Variants in SNTG1 observed in about 807,000 individuals in gnomAD.
SNTG1 encodes the protein syntrophin gamma 1, also known as gamma-1-syntrophin.
In SNTG1, 39 loss-of-function variants were observed where a neutral mutation model predicts 74.7. The ratio of observed to expected loss-of-function variants is 0.52; its 90% CI spans 0.40 to 0.68. The LOEUF (loss-of-function observed/expected upper bound fraction) is 0.68, where lower values mean the gene tolerates loss of function less well. Among genes scored for constraint, SNTG1 ranks in the 30% least tolerant of loss-of-function variants. SNTG1 has a pLI of 0.00. For missense variants in SNTG1, 685 were observed against 609.5 expected (o/e 1.12, Z -1.30); for synonymous variants, 254 against 217.1 (o/e 1.17, Z -1.49).
chr8:49,921,045 G>A (rs1206810847), intron 1 of SNTG1, among the ~76,000 whole-genome samples: 1 of 152,032 alleles, frequency 6.6e-6, no homozygotes, highest in South Asian at 2.1e-4. Flanking sequence ...ACAACCAAAT[G>A]CAGGTGAAGA....
At chr8:50,198,650 G>C (rs1456147572) in intron 2 of SNTG1, among the ~76,000 whole-genome samples, 3 of 152,150 alleles carry the variant, frequency 2.0e-5, no homozygotes, top group East Asian at 3.8e-4. Flanking sequence ...TTTTTAAAAT[G>C]TCATACTTTC....
chr8:50,541,430 C>T (rs1259054579), intron 11 of SNTG1, among the ~76,000 whole-genome samples: 1 of 152,132 alleles, frequency 6.6e-6, no homozygotes, highest in Non-Finnish European at 1.5e-5. Context: ...TCCCTCACCA[C>T]ATTTCTAATC....
intron 4 of SNTG1, among the ~76,000 whole-genome samples, chr8:50,437,831 T>C (rs1302818340): frequency 1.3e-5 from 2 of 152,160 alleles, no homozygotes; most frequent in Non-Finnish European, 2.9e-5. Context: ...AAATTGAAAA[T>C]TACAGGATTT....
At chr8:49,987,778 A>G (rs538823080) in intron 1 of SNTG1, among the ~76,000 whole-genome samples, 46 of 150,378 alleles carry the variant, frequency 3.1e-4, no homozygotes, top group African/African-American at 9.5e-4. Context: ...CCTCCTGGGT[A>G]GCTGGGACTA....
chr8:50,017,817 T>G (rs1816468278), intron 1 of SNTG1, among the ~76,000 whole-genome samples: 1 of 151,920 alleles, frequency 6.6e-6, no homozygotes, highest in South Asian at 2.1e-4. Flanking sequence ...AACAATTTAT[T>G]TGACGATTCA....
At position 50,074,958 on chromosome 8, in the gene SNTG1, G is replaced by A. The variant is rs1236097078; in HGVS notation, c.-102-97603G>A. ...TCTCCACAGACCCCACACTTGGAGC[G>A]GCCTGCCGGCGCCACTGGCCCCAGG... On this transcript the variant is annotated intron_variant, in intron 1 of 18. Transcript: ENST00000642720. Among the ~76,000 whole-genome samples, 14 of 152,322 alleles carry A rather than the reference G, an allele frequency of 9.2e-5. No individual in the cohort carries two copies. The East Asian group carries it at 1.2e-3, about 13-fold the overall frequency.
At chr8:50,288,938 G>GGACCTTA (rs1193807436) in intron 2 of SNTG1, among the ~76,000 whole-genome samples, 2 of 152,062 alleles carry the variant, frequency 1.3e-5, no homozygotes, top group East Asian at 3.9e-4. Flanking sequence ...AAGGTTAAAT[G>GGACCTTA]TGTTTACTAG....
chr8:50,772,103 G>A (rs1004434083), intron 18 of SNTG1, among the ~76,000 whole-genome samples: 6 of 151,974 alleles, frequency 3.9e-5, no homozygotes, highest in African/African-American at 1.5e-4. Flanking sequence ...CCAGCACAAT[G>A]CCTAGGTGAG....
intron 1 of SNTG1, among the ~76,000 whole-genome samples, chr8:50,103,728 A>T (rs1188938952): frequency 1.3e-5 from 2 of 152,192 alleles, no homozygotes; most frequent in African/African-American, 4.8e-5. Flanking sequence ...ATTTTGAGAT[A>T]CGTCCCATCA....
intron 15 of SNTG1, among the ~76,000 whole-genome samples, chr8:50,704,227 T>A (rs535019125): frequency 6.6e-6 from 1 of 152,302 alleles, no homozygotes; most frequent in South Asian, 2.1e-4. Context: ...TTTACAAACA[T>A]GTTCACAAGC....
intron 8 of SNTG1, among the ~76,000 whole-genome samples, chr8:50,454,711 G>T (rs10957927): frequency 6.6e-6 from 1 of 150,988 alleles, no homozygotes; most frequent in African/African-American, 2.4e-5. Flanking sequence ...GCGTGGTGGC[G>T]CACGCCTGTA....
At chr8:50,790,768 A>G (rs954940354) in intron 18 of SNTG1, among the ~76,000 whole-genome samples, 1 of 151,954 alleles carries the variant, frequency 6.6e-6, no homozygotes, top group African/African-American at 2.4e-5. Flanking sequence ...GTGTCAATCT[A>G]TATCAAATTA....
intron 2 of SNTG1, among the ~76,000 whole-genome samples, chr8:50,349,883 G>T (rs1466606333): frequency 6.6e-6 from 1 of 152,164 alleles, no homozygotes; most frequent in Non-Finnish European, 1.5e-5. Context: ...GGCCAAGGTA[G>T]GAGCCGGCTC....
In SNTG1 at chr8:50,590,697, A is replaced by T. The variant is rs1373911758; in HGVS notation, c.811-182A>T. The stretch of plus-strand genomic sequence containing the variant: ...ACATAAGAAGTGTGGGATAATTTTG[A>T]TAGCCAATTTTAAAAAGAAAAAATC... On this transcript the variant is annotated intron_variant, in intron 12 of 18. Transcript: ENST00000642720. Among the ~76,000 whole-genome samples the T allele has an allele frequency of 2.0e-5, 3 of 152,232 alleles. No individual in the cohort carries two copies. In the East Asian group the frequency reaches 5.8e-4, roughly 29 times the overall value.
chr8:50,568,558 G>T (rs1390139942), intron 12 of SNTG1, among the ~76,000 whole-genome samples: 2 of 151,878 alleles, frequency 1.3e-5, no homozygotes, highest in Non-Finnish European at 2.9e-5. Flanking sequence ...TCTCATTGTG[G>T]TTTTATTTTA....
chr8:50,322,284 G>T (rs959146197), intron 2 of SNTG1, among the ~76,000 whole-genome samples: 2 of 152,006 alleles, frequency 1.3e-5, no homozygotes, highest in Non-Finnish European at 2.9e-5. Context: ...TAGGAAAAAA[G>T]GTGTTTTTTT....
intron 1 of SNTG1, among the ~76,000 whole-genome samples, chr8:49,934,429 A>G (rs1807878778): frequency 6.6e-6 from 1 of 152,140 alleles, no homozygotes; most frequent in Non-Finnish European, 1.5e-5. Flanking sequence ...ATAGAATGGT[A>G]TTTTCAAATT....
At chr8:50,151,723 A>C (rs900807867) in intron 1 of SNTG1, among the ~76,000 whole-genome samples, 1 of 152,086 alleles carries the variant, frequency 6.6e-6, no homozygotes, top group Non-Finnish European at 1.5e-5. Context: ...ATTGGTTTTG[A>C]GTGAGTTTCT....
intron 8 of SNTG1, among the ~76,000 whole-genome samples, chr8:50,495,782 A>T (rs1032863396): frequency 6.6e-6 from 1 of 152,152 alleles, no homozygotes; most frequent in East Asian, 1.9e-4. Context: ...TACCTGCAGG[A>T]AACCACAGAA....
Sources: allele counts gnomAD v4.1 joint callset (sites outside exome capture counted in the v4.1 genomes callset), GRCh38; gene constraint gnomAD v4.1.1; transcripts MANE v1.5; gene names NCBI Gene and HGNC (gene_info 2026-07-23, HGNC 2026-07-21).